Variants in ZNF517 observed in about 807,000 individuals in gnomAD.
ZNF517 encodes the protein zinc finger protein 517.
ZNF517 carries 12 observed loss-of-function variants against 12.1 expected under a neutral mutation model. That is an observed-to-expected ratio of 0.99 (90% CI 0.63 to 1.61). The LOEUF is 1.61. Among genes scored for constraint, ZNF517 ranks in the 40% most tolerant of loss-of-function variants. The pLI, the probability that ZNF517 is intolerant of heterozygous loss-of-function variation, is 0.00. For missense variants in ZNF517, 781 were observed against 693.2 expected, an observed-to-expected ratio of 1.13 and a Z score of -1.42; for synonymous variants, 388 against 310.2, an observed-to-expected ratio of 1.25 and a Z score of -2.63.
At chr8:144,800,689 G>A in intron 1 of ZNF517, 3 of 985,380 alleles carry the variant, frequency 3.0e-6, no homozygotes, top group Non-Finnish European at 3.6e-6. Flanking sequence ...CCATGCGTTT[G>A]CAGTCTGTGC....
Position 144,809,203 on chromosome 8 carries a change from C to A in ZNF517, c.*808C>A, listed in dbSNP as rs910379156. 11 of 148,010 alleles carry A rather than the reference C, an allele frequency of 7.4e-5. No homozygotes were observed. The highest frequency in any genetic ancestry group is 5.4e-4 in the Admixed American group (8 of 14,938). The allele number at this position is 148,010 out of a possible 1,614,324, so 9.2% of individuals were successfully genotyped here. The stretch of plus-strand genomic sequence containing the variant: ...TATCTATCTATCTATCTATCTATCT[C>A]TTTTTTTGAGGCAGGATCTCTCTGT... On this transcript the variant is annotated 3_prime_UTR_variant, in exon 5 of 5. Transcript: ENST00000359971.
At chr8:144,800,341 C>T (rs536594893) in intron 1 of ZNF517, 2 of 264,324 alleles carry the variant, frequency 7.6e-6, no homozygotes, top group African/African-American at 2.3e-5. Context: ...GAAGATAGAA[C>T]TAAAAGCAGG....
Position 144,808,183 on chromosome 8 carries a change from C to G in ZNF517, c.1267C>G (p.Pro423Ala). 2 of 1,610,628 alleles carry G rather than the reference C, an allele frequency of 1.2e-6. No homozygotes were observed. The highest frequency in any genetic ancestry group is 1.7e-6 in the Non-Finnish European group (2 of 1,178,468). ...CCAGAAGATCCACACCAAGGAGAAG[C>G]CCTTCGCGTGCACCGAGTGCGGCAA... Reference protein sequence around the residue: ...LHQKIHTKEKPFACTECGKAF... With the variant: ...LHQKIHTKEKAFACTECGKAF... The change falls in exon 5 of 5, where the codon CCC (proline) becomes GCC (alanine). Residue 423 changes from proline (P) to alanine (A), a missense_variant. Transcript: ENST00000359971.
At chr8:144,806,805 C>T (rs1041019838) in intron 4 of ZNF517, among the ~76,000 whole-genome samples, 12 of 151,790 alleles carry the variant, frequency 7.9e-5, no homozygotes, top group African/African-American at 2.9e-4. Flanking sequence ...ATTTTAAAAC[C>T]TCTGGCAATA....
intron 1 of ZNF517, among the ~76,000 whole-genome samples, chr8:144,799,502 A>G (rs1826839149): frequency 6.6e-6 from 1 of 152,234 alleles, no homozygotes; most frequent in African/African-American, 2.4e-5. Context: ...ATTGTAATAG[A>G]GGTGAGGCGT....
downstream of ZNF517, among the ~76,000 whole-genome samples, chr8:144,811,615 T>C (rs1827558567): frequency 1.6e-5 from 2 of 123,274 alleles, no homozygotes; most frequent in Admixed American, 1.6e-4. Flanking sequence ...ACAGTAAAGC[T>C]CAGCCAGGTG....
At position 144,809,943 on chromosome 8, in the gene ZNF517, C is replaced by T. The variant is rs1827495964; in HGVS notation, c.*1548C>T. 3 of 417,418 alleles carry T rather than the reference C, an allele frequency of 7.2e-6. No individual in the cohort carries two copies. 25.9% of individuals were successfully genotyped at this position (417,418 alleles called of 1,614,324 possible). A position where few individuals can be genotyped will look rare whatever the true frequency, so the allele number is the denominator to read the frequency against. Reference sequence around the variant, plus strand: ...TGCTGGGTGCCTGTAATCCCAGCTACTCGGGAGGCTGAAGCAGGAGAATCA... The same window carrying T: ...TGCTGGGTGCCTGTAATCCCAGCTATTCGGGAGGCTGAAGCAGGAGAATCA... On this transcript the variant is annotated 3_prime_UTR_variant, in exon 5 of 5. Transcript: ENST00000359971.
chr8:144,810,088 T>C (rs987514729), downstream of ZNF517: 5 of 580,582 alleles, frequency 8.6e-6, no homozygotes, highest in Non-Finnish European at 1.6e-5. Flanking sequence ...AACTCCATTA[T>C]TGGTTTTGTC....
Position 144,807,436 on chromosome 8 carries a change from T to C in ZNF517, c.520T>C (p.Ser174Pro). 1 of 1,571,878 alleles carries C rather than the reference T, an allele frequency of 6.4e-7. No homozygotes were observed. Among genetic ancestry groups the C allele is most frequent in the Non-Finnish European group, 8.6e-7 (1 of 1,159,252 alleles). ...QEDLGRPVGSSAPRYRCVCGK... is the reference protein window; with the variant it reads ...QEDLGRPVGSPAPRYRCVCGK... The stretch of plus-strand genomic sequence containing the variant: ...AGACCTGGGCCGGCCTGTGGGGAGC[T>C]CAGCCCCCCGCTACAGGTGCGTGTG... The change falls in exon 5 of 5, where the codon TCA becomes CCA. Residue 174 changes from serine (S) to proline (P), a missense_variant. Ser to Pro is a moderately conservative substitution (Grantham distance 74, BLOSUM62 -1). Coordinates refer to ENST00000359971, the MANE Select transcript of ZNF517 (RefSeq NM_213605.3).
At chr8:144,801,237 C>G (rs1826943341) in intron 1 of ZNF517, among the ~76,000 whole-genome samples, 1 of 152,200 alleles carries the variant, frequency 6.6e-6, no homozygotes, top group African/African-American at 2.4e-5. Flanking sequence ...CCCCGGAGAC[C>G]TTCACCCAAA....
chr8:144,803,984 C>A, intron 3 of ZNF517, 141 bp from the exon 4 acceptor site: 1 of 1,063,128 alleles, frequency 9.4e-7, no homozygotes, highest in Non-Finnish European at 1.3e-6. Flanking sequence ...TCCCCCTGGC[C>A]ACCTAGCTGC....
chr8:144,804,335 GTATGTT>G, intron 4 of ZNF517, 97 bp downstream of exon 4: 1 of 857,574 alleles, frequency 1.2e-6, no homozygotes, highest in Non-Finnish European at 1.8e-6. Flanking sequence ...TGGGAGGTGT[GTATGTT>G]TAGCTCCTCA....
At chr8:144,800,252 T>G (rs1826891826) in intron 1 of ZNF517, among the ~76,000 whole-genome samples, 1 of 152,186 alleles carries the variant, frequency 6.6e-6, no homozygotes, top group South Asian at 2.1e-4. Context: ...AACAGCTTGA[T>G]CTGTTGTCAT....
intron 4 of ZNF517, 152 bp downstream of exon 4, chr8:144,804,390 G>T: frequency 1.7e-6 from 1 of 599,652 alleles, no homozygotes. Flanking sequence ...CTTGCTTGTA[G>T]GTCTAAGGTC....
downstream of ZNF517, among the ~76,000 whole-genome samples, chr8:144,813,008 C>A (rs1298627871): frequency 1.3e-5 from 2 of 151,962 alleles, no homozygotes; most frequent in Admixed American, 6.6e-5. Flanking sequence ...AACCAAAAAA[C>A]AAACCTAGGA....
chr8:144,800,726 C>G, intron 1 of ZNF517: 8 of 981,632 alleles, frequency 8.1e-6, no homozygotes, highest in Non-Finnish European at 9.7e-6. Flanking sequence ...ATTCACGAAT[C>G]TGTCTGATCC....
chr8:144,801,678 C>T (rs990148223), intron 1 of ZNF517, among the ~76,000 whole-genome samples: 10 of 152,242 alleles, frequency 6.6e-5, no homozygotes, highest in East Asian at 1.9e-4. Flanking sequence ...GGGGTTTCAC[C>T]GTGTTAGCCA....
rs1827397924 is a variant in ZNF517, at chr8:144,808,334, TGC to T, written c.1419_1420del (p.His474ArgfsTer49). 9 of 1,488,994 alleles carry T rather than the reference TGC, an allele frequency of 6.0e-6. No homozygotes were observed. In the Admixed American group the frequency reaches 2.1e-4, roughly 35 times the overall value. 92.2% of individuals were successfully genotyped at this position (1,488,994 alleles called of 1,614,324 possible). A position where few individuals can be genotyped will look rare whatever the true frequency, so the allele number is the denominator to read the frequency against. On this transcript the variant is annotated frameshift_variant, in exon 5 of 5. Transcript: ENST00000359971. LOFTEE classifies it low-confidence loss of function (END_TRUNC). ...TCCACCCTCATCCAGCACCAGAAGG[TGC>T]ACGGCCGCGAGCCCGGGGAGGACAC...
At position 144,800,425 on chromosome 8, in the gene ZNF517, C is replaced by T. The variant is rs148276417; in HGVS notation, c.-46+1488C>T. 8.2e-5 allele frequency: 77 copies of T among 939,694 alleles called. No individual in the cohort carries two copies. The African/African-American group carries it at 1.3e-3, about 16-fold the overall frequency. The allele number at this position is 939,694 out of a possible 1,614,324, so 58.2% of individuals were successfully genotyped here. ...CTAGACATGAGCAAACACAAAGCAGCAGTAACTTACCGCTCCTAGTCCAAG... is the reference window on the plus strand; with the variant it reads ...CTAGACATGAGCAAACACAAAGCAGTAGTAACTTACCGCTCCTAGTCCAAG... On this transcript the variant is annotated intron_variant, in intron 1 of 4. Transcript: ENST00000359971.
Sources: gnomAD v4.1 joint callset for allele counts (sites outside exome capture counted in the v4.1 genomes callset) on GRCh38, gnomAD v4.1.1 for gene constraint, MANE v1.5 for transcripts, NCBI Gene and HGNC (gene_info 2026-07-23, HGNC 2026-07-21) for gene names.